Variants in AIFM1 observed in about 807,000 individuals in gnomAD.
AIFM1 encodes apoptosis-inducing factor 1, mitochondrial.
AIFM1 carries 3 observed loss-of-function variants against 51.7 expected under a neutral mutation model. The observed-to-expected ratio is 0.06, with a 90% CI of 0.03 to 0.15. The LOEUF (loss-of-function observed/expected upper bound fraction) is 0.15. AIFM1 is among the 10% of genes least tolerant of loss of function. The probability of loss-of-function intolerance (pLI) is 1.00; values close to 1 mark genes in which losing one functional copy is unlikely to be tolerated. For synonymous variants in AIFM1, 178 were observed against 179.4 expected (o/e 0.99, Z 0.06); for missense variants, 330 against 476.8 (o/e 0.69, Z 2.87).
At chrX:130,139,903 C>G (rs145602413) in intron 7 of AIFM1, 32 bp from the exon 8 acceptor site, 2 of 1,145,080 alleles carry the variant, frequency 1.7e-6, no homozygotes, top group African/African-American at 3.6e-5. Flanking sequence ...CCCTTTAGCC[C>G]AACAAGCAGG....
intron 5 of AIFM1, 51 bp from the exon 6 acceptor site, chrX:130,145,620 G>T: frequency 1.0e-6 from 1 of 968,432 alleles, no homozygotes; most frequent in Non-Finnish European, 1.5e-6. Flanking sequence ...ACTGTTATCA[G>T]CTTCCCCCGT....
intron 1 of AIFM1, among the ~76,000 whole-genome samples, chrX:130,162,232 T>C (rs1318001682): frequency 8.9e-6 from 1 of 112,085 alleles, no homozygotes; most frequent in African/African-American, 3.2e-5. Context: ...ATGAGCTTGA[T>C]ACAAATCACA....
chrX:130,140,751 T>C (rs1182762675), intron 6 of AIFM1, 134 bp from the exon 7 acceptor site: 3 of 530,184 alleles, frequency 5.7e-6, no homozygotes, highest in Non-Finnish European at 9.8e-6. Context: ...ATTCACAAGG[T>C]TGTGCCACCA....
chrX:130,138,414 G>C (rs1201184251), intron 9 of AIFM1, among the ~76,000 whole-genome samples, 179 bp downstream of exon 9: 1 of 111,360 alleles, frequency 9.0e-6, no homozygotes, highest in Non-Finnish European at 1.9e-5. Flanking sequence ...GCAGTGAGCC[G>C]AGATCGCGCC....
At chrX:130,150,235 T>C (rs2030912422) in intron 2 of AIFM1, among the ~76,000 whole-genome samples, 1 of 111,216 alleles carries the variant, frequency 9.0e-6, no homozygotes, top group Non-Finnish European at 1.9e-5. Context: ...CTATCTTCTC[T>C]ATCCTTTCAA....
intron 1 of AIFM1, among the ~76,000 whole-genome samples, chrX:130,158,630 G>A (rs1180226839): frequency 4.0e-5 from 4 of 99,727 alleles, no homozygotes; most frequent in African/African-American, 7.6e-5. Context: ...TGGCTTCCCC[G>A]AGCCACATGG....
chrX:130,130,312 T>A, intron 14 of AIFM1, 146 bp from the exon 15 acceptor site: 3 of 662,644 alleles, frequency 4.5e-6, no homozygotes, highest in Non-Finnish European at 6.9e-6. Flanking sequence ...GCCCCCTCAG[T>A]AAACCCTGGC....
Position 130,147,680 on chromosome X carries a change from T to G in AIFM1, c.475-57A>C, listed in dbSNP as rs764500658. 126 of 1,210,069 alleles carry G rather than the reference T, an allele frequency of 1.0e-4. No homozygotes were observed. The African/African-American group carries it at 1.9e-3, about 19-fold the overall frequency. ...AGCCAAGTCATTTAAGGGGCAAATG[T>G]CAAAGCATTCACATTAGCTAAATGC... On this transcript the variant is annotated intron_variant, in intron 4 of 15. Coordinates refer to ENST00000287295, the MANE Select transcript of AIFM1 (RefSeq NM_004208.4).
At chrX:130,130,711 T>C (rs1295597396) in intron 14 of AIFM1, among the ~76,000 whole-genome samples, 2 of 112,410 alleles carry the variant, frequency 1.8e-5, no homozygotes, top group Non-Finnish European at 3.8e-5. Flanking sequence ...GAAAGTTCTA[T>C]TGGACAGTGC....
intron 2 of AIFM1, among the ~76,000 whole-genome samples, chrX:130,154,518 T>A (rs916348886): frequency 8.9e-6 from 1 of 112,303 alleles, no homozygotes; most frequent in Admixed American, 9.5e-5. Flanking sequence ...CAGAAAGCAA[T>A]CTACATGAAT....
intron 6 of AIFM1, among the ~76,000 whole-genome samples, chrX:130,144,740 C>T (rs183248737): frequency 8.9e-6 from 1 of 112,357 alleles, no homozygotes; most frequent in Admixed American, 9.4e-5. Flanking sequence ...ATTTATGTTT[C>T]TGCCTAATAC....
chrX:130,137,427 G>A, intron 9 of AIFM1: 1 of 1,163,587 alleles, frequency 8.6e-7, no homozygotes, highest in African/African-American at 1.8e-5. Context: ...GGTGAACTCT[G>A]TGCACTTCCA....
intron 14 of AIFM1, among the ~76,000 whole-genome samples, chrX:130,130,949 T>C (rs1766353992): frequency 8.9e-6 from 1 of 112,415 alleles, no homozygotes; most frequent in Non-Finnish European, 1.9e-5. Flanking sequence ...TGGAATACAT[T>C]AGAATTACAC....
At chrX:130,129,768 A>T (rs2029983344) in intron 15 of AIFM1, 140 bp from the exon 16 acceptor site, 5 of 748,751 alleles carry the variant, frequency 6.7e-6, no homozygotes, top group Non-Finnish European at 1.0e-5. Context: ...AACCCCAAAC[A>T]AGCAGCCTGC....
intron 2 of AIFM1, among the ~76,000 whole-genome samples, chrX:130,153,051 G>C (rs1227571287): frequency 9.1e-6 from 1 of 109,955 alleles, no homozygotes; most frequent in Non-Finnish European, 1.9e-5. Flanking sequence ...CGACAGTTTA[G>C]GCTGGGCACG....
intron 10 of AIFM1, among the ~76,000 whole-genome samples, 167 bp downstream of exon 10, chrX:130,136,911 A>G (rs1448815644): frequency 9.0e-6 from 1 of 111,433 alleles, no homozygotes; most frequent in Non-Finnish European, 1.9e-5. Flanking sequence ...AATTTGGGGC[A>G]TCTGATTCAG....
At chrX:130,155,793 G>A (rs1272276722) in intron 2 of AIFM1, among the ~76,000 whole-genome samples, 4 of 111,682 alleles carry the variant, frequency 3.6e-5, no homozygotes, top group African/African-American at 1.3e-4. Context: ...AGTAAACCCT[G>A]CCAAGTTAGG....
chrX:130,129,911 C>T, intron 15 of AIFM1, 59 bp downstream of exon 15: 1 of 1,182,541 alleles, frequency 8.5e-7, no homozygotes, highest in Non-Finnish European at 1.2e-6. Flanking sequence ...GATGAAGTTA[C>T]AGGAATGTTT....
At chrX:130,157,021 C>A (rs771933945) in intron 1 of AIFM1, among the ~76,000 whole-genome samples, 2 of 111,863 alleles carry the variant, frequency 1.8e-5, no homozygotes, top group South Asian at 7.5e-4. Flanking sequence ...TGGTTCCAAT[C>A]TTGCACAAAA....
Sources: gnomAD v4.1 joint callset for allele counts (sites outside exome capture counted in the v4.1 genomes callset) on GRCh38, gnomAD v4.1.1 for gene constraint, MANE v1.5 for transcripts, NCBI Gene and HGNC (gene_info 2026-07-23, HGNC 2026-07-21) for gene names.